The following ASAH2B variants were observed in gnomAD, a reference collection of about 807,000 sequenced individuals.
ASAH2B encodes N-acylsphingosine amidohydrolase 2B.
A neutral mutation model predicts 2.9 loss-of-function variants in ASAH2B; 1 was observed. The ratio of observed to expected loss-of-function variants is 0.34; its 90% CI spans 0.12 to 1.63. The LOEUF (loss-of-function observed/expected upper bound fraction) is 1.63, where lower values mean the gene tolerates loss of function less well. Among genes scored for constraint, ASAH2B ranks in the 40% most tolerant of loss-of-function variants. The probability of loss-of-function intolerance (pLI) is 0.36; values close to 1 mark genes in which losing one functional copy is unlikely to be tolerated. For synonymous variants in ASAH2B, 4 were observed against 13.3 expected (o/e 0.30, Z 1.52); for missense variants, 9 against 37.7 (o/e 0.24, Z 1.99).
At chr10:50,748,603 G>A in intron 3 of ASAH2B, among the ~76,000 whole-genome samples, 1 of 151,236 alleles carries the variant, frequency 6.6e-6, no homozygotes, top group East Asian at 1.9e-4. Context: ...AACTTGAGGG[G>A]AGCTTTCTGC....
chr10:50,741,729 C>T (rs1839834073), intron 1 of ASAH2B, among the ~76,000 whole-genome samples: 3 of 152,078 alleles, frequency 2.0e-5, no homozygotes, highest in Admixed American at 2.0e-4. Context: ...GTGGGAGACA[C>T]AGGTTAGCTG....
intron 1 of ASAH2B, among the ~76,000 whole-genome samples, chr10:50,741,140 T>C (rs1246689573): frequency 4.6e-5 from 7 of 152,234 alleles, no homozygotes; most frequent in Non-Finnish European, 7.3e-5. Flanking sequence ...TAAAAATTCA[T>C]TTTTTCAGTT....
intron 3 of ASAH2B, among the ~76,000 whole-genome samples, chr10:50,746,326 A>G (rs528014343): frequency 4.6e-5 from 7 of 151,576 alleles, no homozygotes; most frequent in Admixed American, 4.6e-4. Flanking sequence ...ATCAAATGTA[A>G]GGATCTCATT....
intron 1 of ASAH2B, among the ~76,000 whole-genome samples, chr10:50,740,995 TA>T (rs1322338980): frequency 1.3e-5 from 2 of 152,236 alleles, no homozygotes; most frequent in Non-Finnish European, 2.9e-5. Context: ...TGGAAGTTCA[TA>T]AAAACGTTTT....
At chr10:50,753,149 T>C (rs1839996692) in intron 5 of ASAH2B, among the ~76,000 whole-genome samples, 1 of 148,374 alleles carries the variant, frequency 6.7e-6, no homozygotes. Flanking sequence ...GATTTGATAA[T>C]GTGTCTGAAA....
Position 50,742,955 on chromosome 10 carries a change from A to C in ASAH2B, c.-59A>C, listed in dbSNP as rs1190147508. On this transcript the variant is annotated 5_prime_UTR_variant, in exon 2 of 6. Coordinates refer to ENST00000647317, the MANE Select transcript of ASAH2B (RefSeq NM_001321958.2). The stretch of plus-strand genomic sequence containing the variant: ...GCAGCATCGACAATTTATGGACCGC[A>C]CGCATTATCTGCTTACATTCAGCTC... The C allele has an allele frequency of 2.5e-6, 4 of 1,613,932 alleles. No homozygotes were observed. Among genetic ancestry groups the C allele is most frequent in the Non-Finnish European group, 3.4e-6 (4 of 1,180,000 alleles).
chr10:50,742,881 G>A, intron 1 of ASAH2B, 34 bp from the exon 2 acceptor site: 5 of 1,606,440 alleles, frequency 3.1e-6, no homozygotes, highest in Non-Finnish European at 4.3e-6. Flanking sequence ...TAAATATGCA[G>A]AACCATATAC....
In ASAH2B at chr10:50,757,670, A is replaced by G. The variant is rs1837124899; in HGVS notation, c.*2930A>G. The G allele has an allele frequency of 1.3e-5, 2 of 150,104 alleles. No homozygotes were observed. Among genetic ancestry groups the G allele is most frequent in the East Asian group, 3.9e-4 (2 of 5,078 alleles). 9.3% of individuals were successfully genotyped at this position (150,104 alleles called of 1,614,324 possible). A position where few individuals can be genotyped will look rare whatever the true frequency, so the allele number is the denominator to read the frequency against. On this transcript the variant is annotated 3_prime_UTR_variant, in exon 6 of 6. Transcript: ENST00000647317. ...CTCATGTGTTTAGTTCTTCCAAATG[A>G]TGCTCTTGCTTCCTGGGTATCCAAC... is the stretch of plus-strand genomic sequence containing the variant.
chr10:50,747,803 G>A (rs1239277836), intron 3 of ASAH2B, among the ~76,000 whole-genome samples: 2 of 151,850 alleles, frequency 1.3e-5, no homozygotes. Context: ...CTGATATATT[G>A]TAAGGAGTTT....
intron 1 of ASAH2B, among the ~76,000 whole-genome samples, chr10:50,742,131 A>T (rs1053281658): frequency 4.7e-5 from 7 of 150,446 alleles, no homozygotes; most frequent in South Asian, 2.1e-4. Flanking sequence ...TACAAATATA[A>T]AAAAAAAGAG....
At position 50,756,836 on chromosome 10, in the gene ASAH2B, T is replaced by C. The variant is rs983129660; in HGVS notation, c.*2096T>C. 6.6e-6 allele frequency: 1 copy of C among 151,786 alleles called. No homozygotes were observed. Among genetic ancestry groups the C allele is most frequent in the Non-Finnish European group, 1.5e-5 (1 of 67,784 alleles). The allele number at this position is 151,786 out of a possible 1,614,324, so 9.4% of individuals were successfully genotyped here. On this transcript the variant is annotated 3_prime_UTR_variant, in exon 6 of 6. Transcript: ENST00000647317. Reference sequence around the variant, plus strand: ...TGCATAAAAGAATATCATGAAGTAATTGAACTTATCTGTTGATATAAAAAC... The same window carrying C: ...TGCATAAAAGAATATCATGAAGTAACTGAACTTATCTGTTGATATAAAAAC...
chr10:50,741,702 A>G (rs1308573474), intron 1 of ASAH2B, among the ~76,000 whole-genome samples: 1 of 152,160 alleles, frequency 6.6e-6, no homozygotes, highest in Non-Finnish European at 1.5e-5. Context: ...GGTGATGGTA[A>G]GGAGATGGTA....
At chr10:50,743,068 ATGTGTC>A in intron 2 of ASAH2B, 58 bp downstream of exon 2, 2 of 1,560,142 alleles carry the variant, frequency 1.3e-6, no homozygotes, top group Non-Finnish European at 1.8e-6. Flanking sequence ...GTATGTCTGT[ATGTGTC>A]TGTGTCTGGG....
In ASAH2B at chr10:50,759,189, A is replaced by AGACT. The variant is rs1389925203; in HGVS notation, c.*4449_*4450insGACT. 16 of 83,132 alleles carry AGACT rather than the reference A, an allele frequency of 1.9e-4. No homozygotes were observed. Among genetic ancestry groups the AGACT allele is most frequent in the East Asian group, 2.2e-3 (2 of 916 alleles). The allele number at this position is 83,132 out of a possible 1,614,324, so 5.1% of individuals were successfully genotyped here. On this transcript the variant is annotated 3_prime_UTR_variant, in exon 6 of 6. Transcript: ENST00000647317. ...CTTGTATTAGCATTTTTCCCCCTTG[A>AGACT]CATCAATGTCCTTGAATGTATTTGC...
intron 2 of ASAH2B, among the ~76,000 whole-genome samples, chr10:50,744,537 A>T (rs1245781716): frequency 6.6e-6 from 1 of 151,636 alleles, no homozygotes; most frequent in Non-Finnish European, 1.5e-5. Flanking sequence ...GTACCAACCT[A>T]ATATAGATAT....
At chr10:50,747,140 G>T (rs1346941252) in intron 3 of ASAH2B, among the ~76,000 whole-genome samples, 1 of 148,254 alleles carries the variant, frequency 6.7e-6, no homozygotes, top group African/African-American at 2.5e-5. Flanking sequence ...TATAGTTTCA[G>T]GTTTTATATT....
chr10:50,740,300 CA>C (rs940859080), intron 1 of ASAH2B, among the ~76,000 whole-genome samples: 18 of 152,090 alleles, frequency 1.2e-4, no homozygotes, highest in Non-Finnish European at 2.2e-4. Context: ...CCACCAAGAG[CA>C]AAAGAAAGAG....
At chr10:50,741,003 T>A (rs1231588045) in intron 1 of ASAH2B, among the ~76,000 whole-genome samples, 1 of 152,248 alleles carries the variant, frequency 6.6e-6, no homozygotes, top group Non-Finnish European at 1.5e-5. Flanking sequence ...CATAAAAACG[T>A]TTTAAATTTT....
chr10:50,757,301 T>A lies in ASAH2B; in HGVS notation c.*2561T>A, dbSNP rs2132737973. The A allele has an allele frequency of 6.6e-6, 1 of 151,818 alleles. No individual in the cohort carries two copies. Among genetic ancestry groups the A allele is most frequent in the African/African-American group, 2.4e-5 (1 of 41,496 alleles). The allele number at this position is 151,818 out of a possible 1,614,324, so 9.4% of individuals were successfully genotyped here. On this transcript the variant is annotated 3_prime_UTR_variant, in exon 6 of 6. Coordinates refer to ENST00000647317, the MANE Select transcript of ASAH2B (RefSeq NM_001321958.2). ...AGGTTGGAAAGTGATACAAATGACTTGTAAATAACCACTGAAGCACAAGGG... is the reference window on the plus strand; with the variant it reads ...AGGTTGGAAAGTGATACAAATGACTAGTAAATAACCACTGAAGCACAAGGG...
Sources: allele counts gnomAD v4.1 joint callset (sites outside exome capture counted in the v4.1 genomes callset), GRCh38; gene constraint gnomAD v4.1.1; transcripts MANE v1.5; gene names NCBI Gene and HGNC (gene_info 2026-07-23, HGNC 2026-07-21).